The following SMAD4 variants were observed in gnomAD, a reference collection of about 807,000 sequenced individuals.
SMAD4 encodes the protein SMAD family member 4.
Under a neutral mutation model 63.2 loss-of-function variants are expected in SMAD4, and 7 were observed. The ratio of observed to expected loss-of-function variants is 0.11; its 90% CI spans 0.06 to 0.21. The LOEUF (loss-of-function observed/expected upper bound fraction) is 0.21, where lower values mean the gene tolerates loss of function less well. Ranked by LOEUF, SMAD4 falls within the 10% of genes least tolerant of loss-of-function variation. The pLI is 1.00. For missense variants in SMAD4, 312 were observed against 693.8 expected (o/e 0.45, Z 6.18); for synonymous variants, 215 against 235.4 (o/e 0.91, Z 0.79).
intron 1 of SMAD4, among the ~76,000 whole-genome samples, chr18:51,041,514 C>T (rs780660372): frequency 7.9e-5 from 12 of 152,182 alleles, no homozygotes; most frequent in Non-Finnish European, 1.5e-4. Context: ...GCAACCATGG[C>T]CTTTAGCCAC....
rs181213774 is a variant in SMAD4 at position 51,060,893 on chromosome 18, A to T, written c.955+977A>T. On this transcript the variant is annotated intron_variant, in intron 8 of 11. Coordinates refer to ENST00000342988, the MANE Select transcript of SMAD4 (RefSeq NM_005359.6). ...AAGCAGTCCTCCTGCTAATAATTTTATTTATTTATTTATTTATTTATTTTT... is the reference window on the plus strand; with the variant it reads ...AAGCAGTCCTCCTGCTAATAATTTTTTTTATTTATTTATTTATTTATTTTT... Among the ~76,000 whole-genome samples, 120 of 150,846 alleles carry T rather than the reference A, an allele frequency of 8.0e-4. 1 individual carries two copies. The highest frequency in any genetic ancestry group is 5.2e-3 in the South Asian group (25 of 4,808).
At chr18:51,077,391 C>T in intron 11 of SMAD4, 1 of 985,104 alleles carries the variant, frequency 1.0e-6, no homozygotes, top group South Asian at 4.7e-5. Context: ...GTGATTCATT[C>T]AACCCCTGTT....
At position 51,080,782 on chromosome 18, in the gene SMAD4, C is replaced by T; in HGVS notation, c.*2315C>T. Reference sequence around the variant, plus strand: ...TCTTGAACTCCTGACCTCAAGTGATCCATCCACCTTGGCCTCCCAAAGTGC... The same window carrying T: ...TCTTGAACTCCTGACCTCAAGTGATTCATCCACCTTGGCCTCCCAAAGTGC... On this transcript the variant is annotated 3_prime_UTR_variant, in exon 12 of 12. Coordinates refer to ENST00000342988, the MANE Select transcript of SMAD4 (RefSeq NM_005359.6). The T allele has an allele frequency of 5.7e-6, 1 of 174,126 alleles. No homozygotes were observed. The allele number at this position is 174,126 out of a possible 1,614,324, so 10.8% of individuals were successfully genotyped here.
chr18:51,033,433 G>A (rs1360475157), intron 1 of SMAD4, among the ~76,000 whole-genome samples: 3 of 152,244 alleles, frequency 2.0e-5, no homozygotes, highest in East Asian at 1.9e-4. Context: ...CAGGTGATCC[G>A]CCCGCCTTGG....
Position 51,084,010 on chromosome 18 carries a change from G to GCGCACACACACACACACA in SMAD4, c.*5545_*5562dup. On this transcript the variant is annotated 3_prime_UTR_variant, in exon 12 of 12. Transcript: ENST00000342988. The stretch of plus-strand genomic sequence containing the variant: ...ACTTAACGCGCGTGCGCACGCGCGC[G>GCGCACACACACACACACA]CGCACACACACACACACACACACAC... 1 of 60,462 alleles carries GCGCACACACACACACACA rather than the reference G, an allele frequency of 1.7e-5. No homozygotes were observed. Among genetic ancestry groups the GCGCACACACACACACACA allele is most frequent in the South Asian group, 7.8e-4 (1 of 1,286 alleles). 3.7% of individuals were successfully genotyped at this position (60,462 alleles called of 1,614,324 possible).
At chr18:51,067,947 T>A (rs1910209255) in intron 10 of SMAD4, among the ~76,000 whole-genome samples, 1 of 152,226 alleles carries the variant, frequency 6.6e-6, no homozygotes, top group Non-Finnish European at 1.5e-5. Flanking sequence ...TTTTACTTTA[T>A]AATATAACCT....
Position 51,054,833 on chromosome 18 carries a change from G to A in SMAD4, c.507G>A (p.Gln169=), listed in dbSNP as rs876659426. ...KDEYVHDFEG[Q]PSLSTEGHSI... ...AATATGTGCATGACTTTGAGGGACA[G>A]CCATCGTTGTCCACTGAAGGACATT... Residue 169 remains glutamine, a synonymous_variant, in exon 5 of 12, where the codon CAG becomes CAA. Coordinates refer to ENST00000342988, the MANE Select transcript of SMAD4 (RefSeq NM_005359.6). 1 of 1,613,684 alleles carries A rather than the reference G, an allele frequency of 6.2e-7. No individual in the cohort carries two copies. Among genetic ancestry groups the A allele is most frequent in the African/African-American group, 1.3e-5 (1 of 75,024 alleles).
intron 10 of SMAD4, among the ~76,000 whole-genome samples, chr18:51,073,159 A>G (rs907053926): frequency 6.6e-6 from 1 of 151,786 alleles, no homozygotes; most frequent in African/African-American, 2.4e-5. Flanking sequence ...AACCTGTAAT[A>G]TGTGCTGCTG....
rs886053892 is a variant in SMAD4, at chr18:51,047,044, C to G, written c.-3C>G. On this transcript the variant is annotated 5_prime_UTR_variant, in exon 2 of 12. Coordinates refer to ENST00000342988, the MANE Select transcript of SMAD4 (RefSeq NM_005359.6). ...TTTGATTTAAAAGGAAAAACTTGAACAAATGGACAATATGTCTATTACGAA... is the reference window on the plus strand; with the variant it reads ...TTTGATTTAAAAGGAAAAACTTGAAGAAATGGACAATATGTCTATTACGAA... 6.2e-6 allele frequency: 10 copies of G among 1,612,960 alleles called. No homozygotes were observed. The highest frequency in any genetic ancestry group is 1.1e-5 in the South Asian group (1 of 91,020).
chr18:51,070,250 A>C (rs942899499), intron 10 of SMAD4, among the ~76,000 whole-genome samples: 3 of 152,206 alleles, frequency 2.0e-5, no homozygotes, highest in Non-Finnish European at 4.4e-5. Context: ...GAATCGTGCA[A>C]GTGTAATTTC....
At position 51,046,085 on chromosome 18, in the gene SMAD4, A is replaced by G. The variant is rs1260981978; in HGVS notation, c.-127-835A>G. ...AACGCTGCTATGAACATTCATGTAC[A>G]GGTTTGTGTGGACATGGGTTTTCAT... On this transcript the variant is annotated intron_variant, in intron 1 of 11. Coordinates refer to ENST00000342988, the MANE Select transcript of SMAD4 (RefSeq NM_005359.6). Among the ~76,000 whole-genome samples, 9 of 152,190 alleles carry G rather than the reference A, an allele frequency of 5.9e-5. 1 individual carries two copies. Among genetic ancestry groups the G allele is most frequent in the Non-Finnish European group, 1.3e-4 (9 of 68,018 alleles).
chr18:51,079,653 A>C lies in SMAD4; in HGVS notation c.*1186A>C, dbSNP rs1910560675. The stretch of plus-strand genomic sequence containing the variant: ...GCCCTTTGCCATCAATGATCATATC[A>C]ATTGGCAGTGACTTTGTATAGAGAA... On this transcript the variant is annotated 3_prime_UTR_variant, in exon 12 of 12. Transcript: ENST00000342988. 4.3e-6 allele frequency: 1 copy of C among 233,338 alleles called. No homozygotes were observed. The highest frequency in any genetic ancestry group is 8.5e-6 in the Non-Finnish European group (1 of 117,946). The allele number at this position is 233,338 out of a possible 1,614,324, so 14.5% of individuals were successfully genotyped here.
chr18:51,060,913 A>AT (rs1230489910), intron 8 of SMAD4, among the ~76,000 whole-genome samples: 30 of 151,446 alleles, frequency 2.0e-4, no homozygotes, highest in South Asian at 1.5e-3. Context: ...TTATTTATTT[A>AT]TTTTTTTCCG....
chr18:51,048,923 A>G (rs931112795), intron 3 of SMAD4, 63 bp downstream of exon 3: 169 of 1,420,124 alleles, frequency 1.2e-4, no homozygotes, highest in Non-Finnish European at 1.5e-4. Flanking sequence ...TAGTGTTTCA[A>G]TTTTTGTAAG....
Position 51,065,379 on chromosome 18 carries a change from A to G in SMAD4, c.956-44A>G, listed in dbSNP as rs202134898. 8 of 1,521,936 alleles carry G rather than the reference A, an allele frequency of 5.3e-6. No homozygotes were observed. In the African/African-American group the frequency reaches 5.5e-5, roughly 10 times the overall value. The allele number at this position is 1,521,936 out of a possible 1,614,324, so 94.3% of individuals were successfully genotyped here. On this transcript the variant is annotated intron_variant, in intron 8 of 11. Transcript: ENST00000342988. The stretch of plus-strand genomic sequence containing the variant: ...TGTGGAGTGCAAGTGAAAGCCTTAT[A>G]TCTTTCTCATGGGAGGATGTTCTTT...
At chr18:51,068,376 A>G (rs1312905432) in intron 10 of SMAD4, among the ~76,000 whole-genome samples, 3 of 152,192 alleles carry the variant, frequency 2.0e-5, no homozygotes, top group Non-Finnish European at 4.4e-5. Context: ...TCCAAACAGC[A>G]TAGTCACTCA....
intron 1 of SMAD4, among the ~76,000 whole-genome samples, chr18:51,040,647 A>C (rs1217338553): frequency 6.6e-6 from 1 of 152,226 alleles, no homozygotes; most frequent in South Asian, 2.1e-4. Flanking sequence ...AGCCTGTTTA[A>C]TTTTAGAGAG....
intron 1 of SMAD4, among the ~76,000 whole-genome samples, chr18:51,042,122 A>T (rs1264290982): frequency 1.3e-5 from 2 of 152,190 alleles, no homozygotes; most frequent in Non-Finnish European, 2.9e-5. Context: ...GCCATCCTGC[A>T]ATGTGAGAGA....
At position 51,080,126 on chromosome 18, in the gene SMAD4, C is replaced by A. The variant is rs574896468; in HGVS notation, c.*1659C>A. 146 of 232,676 alleles carry A rather than the reference C, an allele frequency of 6.3e-4. 1 individual carries two copies. The East Asian group carries it at 8.8e-3, about 14-fold the overall frequency. 14.4% of individuals were successfully genotyped at this position (232,676 alleles called of 1,614,324 possible). A position where few individuals can be genotyped will look rare whatever the true frequency, so the allele number is the denominator to read the frequency against. ...CCTGGAGAACTTTTAGCTATAGAAA[C>A]ACTTGTGTGATGATAGTCCTCCTTA... On this transcript the variant is annotated 3_prime_UTR_variant, in exon 12 of 12. Transcript: ENST00000342988.
Sources: gnomAD v4.1 joint callset for allele counts (sites outside exome capture counted in the v4.1 genomes callset) on GRCh38, gnomAD v4.1.1 for gene constraint, MANE v1.5 for transcripts, NCBI Gene and HGNC (gene_info 2026-07-23, HGNC 2026-07-21) for gene names.